The following DSE variants were observed in gnomAD, a reference collection of about 807,000 sequenced individuals.
The protein encoded by DSE is dermatan-sulfate epimerase.
DSE carries 36 observed loss-of-function variants against 84.4 expected under a neutral mutation model. The observed-to-expected ratio is 0.43, with a 90% CI of 0.33 to 0.56. The LOEUF (loss-of-function observed/expected upper bound fraction) is 0.56, where lower values mean the gene tolerates loss of function less well. DSE is among the 20% of genes least tolerant of loss of function. The probability of loss-of-function intolerance (pLI) is 0.06; values close to 1 mark genes in which losing one functional copy is unlikely to be tolerated. For missense variants in DSE, 862 were observed against 1,169.6 expected, an observed-to-expected ratio of 0.74 and a Z score of 3.84; for synonymous variants, 410 against 430.1, an observed-to-expected ratio of 0.95 and a Z score of 0.58.
rs1784420234 is a variant in DSE at position 116,441,366 on chromosome 6, A to G, written c.*4021A>G. The G allele has an allele frequency of 1.3e-5, 2 of 152,228 alleles. No homozygotes were observed. The highest frequency in any genetic ancestry group is 2.9e-5 in the Non-Finnish European group (2 of 68,040). 9.4% of individuals were successfully genotyped at this position (152,228 alleles called of 1,614,324 possible). On this transcript the variant is annotated 3_prime_UTR_variant, in exon 6 of 6. Coordinates refer to ENST00000644252, the MANE Select transcript of DSE (RefSeq NM_013352.4). ...TATGAACATACATGATTGAAAAAGT[A>G]TAGTACTAGAAGCCTTATTTAAAAA... is the stretch of plus-strand genomic sequence containing the variant.
chr6:116,394,005 A>G (rs1781078496), intron 1 of DSE, among the ~76,000 whole-genome samples: 1 of 152,182 alleles, frequency 6.6e-6, no homozygotes, highest in African/African-American at 2.4e-5. Flanking sequence ...AAGGATGGCA[A>G]AAAAATGGAA....
chr6:116,329,266 T>G (rs1776805347), intron 2 of DSE, among the ~76,000 whole-genome samples: 1 of 152,272 alleles, frequency 6.6e-6, no homozygotes, highest in African/African-American at 2.4e-5. Flanking sequence ...CACTCTGCTG[T>G]AATTGTTTAT....
intron 1 of DSE, among the ~76,000 whole-genome samples, chr6:116,381,709 C>T (rs1780234736): frequency 6.6e-6 from 1 of 152,058 alleles, no homozygotes; most frequent in Non-Finnish European, 1.5e-5. Context: ...ACAATAAAGG[C>T]ACTTTATTGT....
chr6:116,374,329 CTT>C (rs1039747897), intron 1 of DSE, among the ~76,000 whole-genome samples: 1 of 152,136 alleles, frequency 6.6e-6, no homozygotes, highest in Non-Finnish European at 1.5e-5. Flanking sequence ...CTGTTACTGA[CTT>C]AGGATGTGTT....
chr6:116,433,565 GC>G lies in DSE; in HGVS notation c.1118+16del. On this transcript the variant is annotated intron_variant, in intron 5 of 5. Transcript: ENST00000644252. ...GAATTTCTCTGGTATGACACATTGGGCTAGCTTTAAAGAGAAATGGTACCCA... is the reference window on the plus strand; with the variant it reads ...GAATTTCTCTGGTATGACACATTGGGTAGCTTTAAAGAGAAATGGTACCCA... 5 of 1,586,302 alleles carry G rather than the reference GC, an allele frequency of 3.2e-6. No individual in the cohort carries two copies. Among genetic ancestry groups the G allele is most frequent in the Non-Finnish European group, 4.3e-6 (5 of 1,164,656 alleles).
intron 1 of DSE, among the ~76,000 whole-genome samples, chr6:116,258,262 C>T (rs988810149): frequency 6.6e-6 from 1 of 152,042 alleles, no homozygotes; most frequent in Non-Finnish European, 1.5e-5. Flanking sequence ...GTGATCTGCC[C>T]GCCTTGGCCT....
At chr6:116,331,515 AC>A (rs1776932389) in intron 2 of DSE, among the ~76,000 whole-genome samples, 1 of 152,122 alleles carries the variant, frequency 6.6e-6, no homozygotes, top group African/African-American at 2.4e-5. Context: ...CCACGAGGTA[AC>A]CCCCCAATAT....
chr6:116,414,442 C>T (rs1406702640), intron 2 of DSE, among the ~76,000 whole-genome samples: 3 of 151,312 alleles, frequency 2.0e-5, no homozygotes, highest in African/African-American at 4.9e-5. Context: ...GGTGGAGTTT[C>T]GCTCTTGTTG....
At chr6:116,262,041 T>C (rs1772436030) in intron 2 of DSE, among the ~76,000 whole-genome samples, 5 of 152,240 alleles carry the variant, frequency 3.3e-5, no homozygotes, top group Admixed American at 1.3e-4. Context: ...AGCAAAGATA[T>C]TGGCCTGAAA....
chr6:116,355,588 A>G (rs1778526566), intron 2 of DSE: 1 of 152,086 alleles, frequency 6.6e-6, no homozygotes, highest in Non-Finnish European at 1.5e-5. Context: ...CAATACATAT[A>G]CCCGCTTCTT....
chr6:116,404,058 T>C (rs541302805), intron 2 of DSE, among the ~76,000 whole-genome samples: 1 of 152,276 alleles, frequency 6.6e-6, no homozygotes, highest in East Asian at 1.9e-4. Flanking sequence ...GGTAGAATTT[T>C]GCATGTGTAG....
chr6:116,399,546 A>G lies in DSE; in HGVS notation c.296A>G (p.Asn99Ser), dbSNP rs1269492643. ...CCCAAGGACTACAGTGCCCGCTGGA[A>G]TGAAATTTTTGGAAACAACTTGGGT... ...WDPKDYSARWNEIFGNNLGAL... is the reference protein window; with the variant it reads ...WDPKDYSARWSEIFGNNLGAL... The change falls in exon 2 of 6, where the codon AAT (asparagine) becomes AGT (serine). Residue 99 changes from asparagine (N) to serine (S), a missense_variant. Physicochemically the swap from Asn to Ser is conservative, Grantham distance 46. Around this residue, in one of 4 missense-constraint regions of DSE, gnomAD observed 309 missense variants for 516.9 expected, o/e 0.60. Coordinates refer to ENST00000644252, the MANE Select transcript of DSE (RefSeq NM_013352.4). 2 of 1,614,220 alleles carry G rather than the reference A, an allele frequency of 1.2e-6. No individual in the cohort carries two copies. Among genetic ancestry groups the G allele is most frequent in the Non-Finnish European group, 1.7e-6 (2 of 1,180,040 alleles).
At chr6:116,410,705 G>A (rs541546624) in intron 2 of DSE, among the ~76,000 whole-genome samples, 99 of 121,400 alleles carry the variant, frequency 8.2e-4, no homozygotes, top group Non-Finnish European at 1.1e-3. Flanking sequence ...CTGCACTCCA[G>A]CCTGGGCGAC....
chr6:116,387,811 G>A lies in DSE; in HGVS notation c.-53-11387G>A, dbSNP rs184183438. 3.6e-3 allele frequency among the ~76,000 whole-genome samples: 545 copies of A among 152,244 alleles called. 3 individuals are homozygous for A. The highest frequency in any genetic ancestry group is 0.012 in the African/African-American group (513 of 41,518). ...GCAGTAAAAATTTTCTGGGAAAAAA[G>A]CATAAGAAGGATTTTCCACAGAGGT... On this transcript the variant is annotated intron_variant, in intron 1 of 5. Transcript: ENST00000644252.
At chr6:116,369,513 A>G (rs1312553101), upstream of DSE, among the ~76,000 whole-genome samples, 4 of 152,212 alleles carry the variant, frequency 2.6e-5, no homozygotes, top group Non-Finnish European at 5.9e-5. Flanking sequence ...AAGGTATTAT[A>G]TTGTTACACT....
chr6:116,399,464 A>G lies in DSE; in HGVS notation c.214A>G (p.Thr72Ala). Residue 72 changes from threonine to alanine, a missense_variant, in exon 2 of 6, where the codon ACG becomes GCG. Thr to Ala is a moderately conservative substitution (Grantham distance 58). This residue lies in a region of DSE where 309 missense variants were observed against 516.9 expected (regional missense o/e 0.60). Coordinates refer to ENST00000644252, the MANE Select transcript of DSE (RefSeq NM_013352.4). ...GCACGAGCACATTGCAGCCCGCCTCACGGAGGCTGTGCACACGATGCTGTC... is the reference window on the plus strand; with the variant it reads ...GCACGAGCACATTGCAGCCCGCCTCGCGGAGGCTGTGCACACGATGCTGTC... ...SSHEHIAARL[T>A]EAVHTMLSSP... is the part of the protein sequence containing the mutation. 1.2e-6 allele frequency: 2 copies of G among 1,614,208 alleles called. No homozygotes were observed. The highest frequency in any genetic ancestry group is 8.5e-7 in the Non-Finnish European group (1 of 1,180,034).
Position 116,278,321 on chromosome 6 carries a change from A to G in DSE, c.-54+19354A>G, listed in dbSNP as rs574319533. Reference sequence around the variant, plus strand: ...GATATTCCAGAACAGCATGAAGGTCATATGGAAGTGGAGAAGCATACCCAC... The same window carrying G: ...GATATTCCAGAACAGCATGAAGGTCGTATGGAAGTGGAGAAGCATACCCAC... On this transcript the variant is annotated intron_variant, in intron 2 of 3. Transcript: ENST00000430252. 2.5e-4 allele frequency: 163 copies of G among 644,982 alleles called. 3 individuals are homozygous for G. The South Asian group carries it at 2.9e-3, about 12-fold the overall frequency. 40.0% of individuals were successfully genotyped at this position (644,982 alleles called of 1,614,324 possible).
chr6:116,368,386 G>A (rs1779288391), upstream of DSE, among the ~76,000 whole-genome samples: 1 of 152,132 alleles, frequency 6.6e-6, no homozygotes, highest in Non-Finnish European at 1.5e-5. Flanking sequence ...CATACAGACC[G>A]GATTTACAGA....
rs766142363 is a variant in DSE, at chr6:116,443,108, A to T, written c.*5763A>T. On this transcript the variant is annotated 3_prime_UTR_variant, in exon 6 of 6. Transcript: ENST00000644252. ...GTGTAGAGAGTGGACCCAATGGGGA[A>T]GAGGTTAGGAGACCATTTCCATAGT... The T allele has an allele frequency of 9.2e-5, 14 of 152,202 alleles. No individual in the cohort carries two copies. Among genetic ancestry groups the T allele is most frequent in the Non-Finnish European group, 1.9e-4 (13 of 68,032 alleles). The allele number at this position is 152,202 out of a possible 1,614,324, so 9.4% of individuals were successfully genotyped here.
Sources: gnomAD v4.1 joint callset for allele counts (sites outside exome capture counted in the v4.1 genomes callset) on GRCh38, gnomAD v4.1.1 for gene constraint, gnomAD v4.1.1 regional missense constraint, MANE v1.5 for transcripts, NCBI Gene and HGNC (gene_info 2026-07-23, HGNC 2026-07-21) for gene names.